Variants in PPP3R1 observed in about 807,000 individuals in gnomAD.
PPP3R1 encodes the protein calcineurin subunit B type 1.
PPP3R1 carries 5 observed loss-of-function variants against 22.6 expected under a neutral mutation model. The observed-to-expected ratio is 0.22, with a 90% CI of 0.12 to 0.46. PPP3R1 has a LOEUF of 0.46. Ranked by LOEUF, PPP3R1 falls within the 20% of genes least tolerant of loss-of-function variation. The pLI, the probability that PPP3R1 is intolerant of heterozygous loss-of-function variation, is 0.99. For synonymous variants in PPP3R1, 56 were observed against 65.2 expected (o/e 0.86, Z 0.68); for missense variants, 61 against 203.2 (o/e 0.30, Z 4.25).
rs1329183215 is a variant in PPP3R1 at position 68,197,987 on chromosome 2, AAAT to A, written c.44-9300_44-9298del. Among the ~76,000 whole-genome samples, 18 of 149,244 alleles carry A rather than the reference AAAT, an allele frequency of 1.2e-4. No homozygotes were observed. In the South Asian group the frequency reaches 3.8e-3, roughly 31 times the overall value. On this transcript the variant is annotated intron_variant, in intron 2 of 5. Coordinates refer to ENST00000234310, the MANE Select transcript of PPP3R1 (RefSeq NM_000945.4). ...TTTTAAATATATGATACATATAGAA[AAAT>A]AATGACTTTTTATTCCATACAGAAA...
At chr2:68,235,678 T>TC (rs981501823) in intron 1 of PPP3R1, among the ~76,000 whole-genome samples, 2 of 152,248 alleles carry the variant, frequency 1.3e-5, no homozygotes, top group Non-Finnish European at 2.9e-5. Context: ...TCCAAGTTTT[T>TC]CACTTCATTT....
At chr2:68,197,670 A>T (rs542319153) in intron 2 of PPP3R1, among the ~76,000 whole-genome samples, 10 of 150,866 alleles carry the variant, frequency 6.6e-5, no homozygotes, top group South Asian at 4.2e-4. Flanking sequence ...TTGTGCTTTT[A>T]AAAAAAAAGC....
chr2:68,213,146 G>GTTA (rs914793003), intron 2 of PPP3R1, among the ~76,000 whole-genome samples: 6 of 152,166 alleles, frequency 3.9e-5, no homozygotes, highest in Non-Finnish European at 5.9e-5. Context: ...GTTCACTGGA[G>GTTA]TTAGCACTAT....
intron 2 of PPP3R1, among the ~76,000 whole-genome samples, chr2:68,211,899 G>C (rs1260932805): frequency 6.6e-6 from 1 of 152,138 alleles, no homozygotes; most frequent in Non-Finnish European, 1.5e-5. Context: ...TCTAATTCTA[G>C]TTCTTTTGCT....
At chr2:68,226,845 C>A (rs532181026) in intron 1 of PPP3R1, among the ~76,000 whole-genome samples, 1 of 152,226 alleles carries the variant, frequency 6.6e-6, no homozygotes, top group Admixed American at 6.5e-5. Flanking sequence ...GACCCGAATT[C>A]TTAAAAGTCC....
intron 2 of PPP3R1, among the ~76,000 whole-genome samples, chr2:68,212,988 G>A (rs1011393185): frequency 8.5e-5 from 13 of 152,212 alleles, no homozygotes; most frequent in Admixed American, 8.5e-4. Context: ...TTCTTCTGCA[G>A]CTTCCCCATC....
rs369686296 is a variant in PPP3R1 at position 68,187,331 on chromosome 2, A to G, written c.221-17T>C. ...CAATGAATTCTGAATAAGAGTTAAAAATGTTCACAAATCAGAACTTCCAAT... is the reference window on the plus strand; with the variant it reads ...CAATGAATTCTGAATAAGAGTTAAAGATGTTCACAAATCAGAACTTCCAAT... On this transcript the variant is annotated splice_polypyrimidine_tract_variant and intron_variant, in intron 3 of 5. Transcript: ENST00000234310. 176 of 1,596,892 alleles carry G rather than the reference A, an allele frequency of 1.1e-4. No individual in the cohort carries two copies. In the African/African-American group the frequency reaches 2.2e-3, roughly 20 times the overall value.
chr2:68,213,567 A>C (rs761734290), intron 2 of PPP3R1, among the ~76,000 whole-genome samples: 13 of 152,218 alleles, frequency 8.5e-5, no homozygotes, highest in African/African-American at 1.4e-4. Context: ...ATAATAATGA[A>C]AAGGTATGAA....
At chr2:68,232,692 C>T (rs979287231) in intron 1 of PPP3R1, among the ~76,000 whole-genome samples, 2 of 151,974 alleles carry the variant, frequency 1.3e-5, no homozygotes, top group Non-Finnish European at 2.9e-5. Context: ...CTGCAATCTC[C>T]ACCTCACAGG....
intron 1 of PPP3R1, among the ~76,000 whole-genome samples, chr2:68,229,437 T>A (rs991322658): frequency 3.3e-5 from 5 of 152,244 alleles, no homozygotes; most frequent in African/African-American, 1.2e-4. Flanking sequence ...TATCTTTCTA[T>A]ATCCTTGCTG....
intron 1 of PPP3R1, among the ~76,000 whole-genome samples, chr2:68,236,855 C>G (rs1670028566): frequency 6.6e-6 from 1 of 151,974 alleles, no homozygotes; most frequent in Non-Finnish European, 1.5e-5. Context: ...AAGGAAAAAC[C>G]TCCTATGAGA....
chr2:68,225,869 T>C (rs898832525), intron 1 of PPP3R1, among the ~76,000 whole-genome samples: 27 of 152,168 alleles, frequency 1.8e-4, no homozygotes, highest in African/African-American at 6.5e-4. Context: ...CACACAGAAA[T>C]CTGTACTCAC....
intron 2 of PPP3R1, among the ~76,000 whole-genome samples, chr2:68,203,880 G>C (rs373739001): frequency 6.6e-6 from 1 of 152,146 alleles, no homozygotes; most frequent in East Asian, 1.9e-4. Flanking sequence ...CAAAAGGAGA[G>C]GTTCCTTCAG....
intron 1 of PPP3R1, among the ~76,000 whole-genome samples, chr2:68,232,152 TA>T (rs1669921659): frequency 3.0e-5 from 2 of 66,874 alleles, no homozygotes; most frequent in African/African-American, 5.7e-5. Context: ...TATATGTATA[TA>T]TATATACATA....
intron 2 of PPP3R1, among the ~76,000 whole-genome samples, chr2:68,195,880 C>T (rs549877668): frequency 6.6e-6 from 1 of 151,376 alleles, no homozygotes; most frequent in Non-Finnish European, 1.5e-5. Flanking sequence ...GCGGCCTTTC[C>T]AACAACCTTT....
chr2:68,246,607 A>G (rs1028649025), intron 1 of PPP3R1, among the ~76,000 whole-genome samples: 8 of 152,160 alleles, frequency 5.3e-5, no homozygotes, highest in African/African-American at 1.7e-4. Context: ...GTATCTATTC[A>G]CTGCTGACTC....
chr2:68,183,007 T>C (rs1215818521), intron 5 of PPP3R1, among the ~76,000 whole-genome samples: 1 of 152,202 alleles, frequency 6.6e-6, no homozygotes, highest in Non-Finnish European at 1.5e-5. Flanking sequence ...TCCAGGCCTG[T>C]CATCTCTGGC....
chr2:68,216,310 A>C (rs1047529945), intron 2 of PPP3R1, among the ~76,000 whole-genome samples: 1 of 152,140 alleles, frequency 6.6e-6, no homozygotes. Context: ...GACCTTTTTC[A>C]AACTTAAAAA....
chr2:68,219,776 TA>T (rs1669650293), intron 1 of PPP3R1, among the ~76,000 whole-genome samples: 1 of 152,124 alleles, frequency 6.6e-6, no homozygotes, highest in Non-Finnish European at 1.5e-5. Context: ...AACAAAACCA[TA>T]AAATTATATC....
Sources: gnomAD v4.1 joint callset for allele counts (sites outside exome capture counted in the v4.1 genomes callset) on GRCh38, gnomAD v4.1.1 for gene constraint, MANE v1.5 for transcripts, NCBI Gene and HGNC (gene_info 2026-07-23, HGNC 2026-07-21) for gene names.